RNF135: variants seen among roughly 807,000 people sequenced by gnomAD.
The protein encoded by RNF135 is E3 ubiquitin-protein ligase RNF135.
A neutral mutation model predicts 41.9 loss-of-function variants in RNF135; 46 were observed. That is an observed-to-expected ratio of 1.10 (90% CI 0.87 to 1.40). RNF135 has a LOEUF of 1.40. Ranked by LOEUF, RNF135 falls within the 40% of genes most tolerant of loss-of-function variation. The probability of loss-of-function intolerance (pLI) is 0.00; values close to 1 mark genes in which losing one functional copy is unlikely to be tolerated. For synonymous variants in RNF135, 238 were observed against 223.8 expected (o/e 1.06, Z -0.57); for missense variants, 539 against 549.8 (o/e 0.98, Z 0.20).
At chr17:30,974,396 C>T (rs1485725052) in intron 1 of RNF135, among the ~76,000 whole-genome samples, 5 of 151,982 alleles carry the variant, frequency 3.3e-5, no homozygotes, top group African/African-American at 7.3e-5. Context: ...CAGAACCCCT[C>T]GCAATTCCAT....
chr17:30,973,508 C>T (rs1441983808), intron 1 of RNF135, among the ~76,000 whole-genome samples: 17 of 151,780 alleles, frequency 1.1e-4, no homozygotes, highest in Admixed American at 9.8e-4. Flanking sequence ...CGCTCCTTTC[C>T]CAGGGATGGA....
intron 4 of RNF135, chr17:30,997,618 G>A (rs1908450248): frequency 2.0e-6 from 1 of 498,618 alleles, no homozygotes; most frequent in Non-Finnish European, 4.0e-6. Flanking sequence ...CATCTGTGCT[G>A]TGGCCACCAA....
chr17:30,987,133 G>C (rs922235643), intron 2 of RNF135, among the ~76,000 whole-genome samples: 1 of 152,154 alleles, frequency 6.6e-6, no homozygotes, highest in Admixed American at 6.5e-5. Context: ...CAGGGAGCAT[G>C]TGTTGAAGGC....
Position 30,997,296 on chromosome 17 carries a change from A to G in RNF135, c.734A>G (p.His245Arg). The G allele has an allele frequency of 1.2e-6, 2 of 1,613,870 alleles. No individual in the cohort carries two copies. The highest frequency in any genetic ancestry group is 1.7e-6 in the Non-Finnish European group (2 of 1,179,920). ...SSSCPLPDQS[H>R]PALRRASRFA... ...TCATGCCCATTGCCTGACCAGAGCC[A>G]CCCTGCACTCAGGAGAGCTTCTCGG... The change falls in exon 4 of 5, where the codon CAC becomes CGC. Residue 245 changes from histidine to arginine, a missense_variant. Physicochemically the swap from His to Arg is conservative, Grantham distance 29. Around this residue, in one of 2 missense-constraint regions of RNF135, gnomAD observed 262 missense variants for 336.9 expected, o/e 0.78. Coordinates refer to ENST00000328381, the MANE Select transcript of RNF135 (RefSeq NM_032322.4).
Position 30,971,049 on chromosome 17 carries a change from T to A in RNF135, c.-25T>A, listed in dbSNP as rs894733739. ...AGACTCGCCCGGCTCAACCCCGACG[T>A]CCGCGCCCCGGCCGCCTGTTGGCCA... is the stretch of plus-strand genomic sequence containing the variant. On this transcript the variant is annotated 5_prime_UTR_variant, in exon 1 of 5. Coordinates refer to ENST00000328381, the MANE Select transcript of RNF135 (RefSeq NM_032322.4). 2.2e-5 allele frequency: 33 copies of A among 1,529,264 alleles called. No homozygotes were observed. Among genetic ancestry groups the A allele is most frequent in the Non-Finnish European group, 2.7e-5 (31 of 1,145,640 alleles). 94.7% of individuals were successfully genotyped at this position (1,529,264 alleles called of 1,614,324 possible). A position where few individuals can be genotyped will look rare whatever the true frequency, so the allele number is the denominator to read the frequency against.
chr17:30,984,761 G>A lies in RNF135; in HGVS notation c.516+1G>A. 1 of 1,614,118 alleles carries A rather than the reference G, an allele frequency of 6.2e-7. No individual in the cohort carries two copies. The highest frequency in any genetic ancestry group is 8.5e-7 in the Non-Finnish European group (1 of 1,179,988). ...CAACGAACTGAGCATCCTGGGCAAG[G>A]TAGGCTCCACTGGGAGAGGAAAGGA... is the stretch of plus-strand genomic sequence containing the variant. On this transcript the variant is annotated splice_donor_variant, in intron 2 of 4. Transcript: ENST00000328381. LOFTEE classifies it high-confidence loss of function.
the RNF135 span, among the ~76,000 whole-genome samples, chr17:30,963,880 C>T: frequency 6.6e-6 from 1 of 152,026 alleles, no homozygotes; most frequent in Non-Finnish European, 1.5e-5. Flanking sequence ...CTTTGGAGGC[C>T]AAGAAGGGAG....
intron 1 of RNF135, chr17:30,975,750 T>C (rs1906389801): frequency 5.6e-6 from 7 of 1,239,132 alleles, no homozygotes; most frequent in Non-Finnish European, 7.1e-6. Flanking sequence ...CTGGTGTACA[T>C]GGGTCATCGG....
chr17:30,967,001 A>G (rs771226082), upstream of RNF135, among the ~76,000 whole-genome samples: 9 of 152,254 alleles, frequency 5.9e-5, no homozygotes, highest in East Asian at 1.7e-3. Context: ...ATTTATTGCA[A>G]AAGTTTGTCT....
the RNF135 span, among the ~76,000 whole-genome samples, chr17:30,960,717 TTTATTTTATTTTATTTATTTTATTTTA>T: frequency 7.2e-6 from 1 of 139,124 alleles, no homozygotes; most frequent in African/African-American, 3.3e-5. Flanking sequence ...TTTATTTTAT[TTTATTTTATTTTATTTATTTTATTTTA>T]TTTTTTTTTT....
chr17:30,973,503 C>G (rs999569427), intron 1 of RNF135, among the ~76,000 whole-genome samples: 30 of 151,432 alleles, frequency 2.0e-4, no homozygotes, highest in African/African-American at 6.6e-4. Flanking sequence ...GGTCTCGCTC[C>G]TTTCCCAGGG....
At chr17:30,962,176 A>G in the RNF135 span, among the ~76,000 whole-genome samples, 1 of 149,970 alleles carries the variant, frequency 6.7e-6, no homozygotes, top group East Asian at 2.0e-4. Flanking sequence ...CTGTGTCGCC[A>G]GGCTGGAGTG....
intron 3 of RNF135, among the ~76,000 whole-genome samples, chr17:30,991,601 A>G (rs1252776654): frequency 6.6e-6 from 1 of 151,678 alleles, no homozygotes; most frequent in South Asian, 2.1e-4. Flanking sequence ...ACTTTTAGAG[A>G]TGGGGTTTCA....
chr17:30,966,982 A>G (rs980124870), upstream of RNF135, among the ~76,000 whole-genome samples: 2 of 152,196 alleles, frequency 1.3e-5, no homozygotes, highest in African/African-American at 2.4e-5. Flanking sequence ...AAAACATAAA[A>G]GAAATAGAAT....
chr17:30,998,067 C>T (rs572558163), intron 4 of RNF135, among the ~76,000 whole-genome samples: 13 of 152,326 alleles, frequency 8.5e-5, no homozygotes, highest in Admixed American at 4.6e-4. Context: ...ACCTTGCCTA[C>T]GCCCAGCTAA....
chr17:30,966,396 ATTT>A (rs767476831), upstream of RNF135, among the ~76,000 whole-genome samples: 34 of 107,232 alleles, frequency 3.2e-4, no homozygotes, highest in South Asian at 6.9e-3. Flanking sequence ...TTATTTTATT[ATTT>A]TTTTATTTTA....
chr17:30,975,343 C>CT (rs1293226813), intron 1 of RNF135: 1 of 710,166 alleles, frequency 1.4e-6, no homozygotes, highest in Non-Finnish European at 2.6e-6. Context: ...AATATTGCTA[C>CT]TTATGCCTGC....
the RNF135 span, among the ~76,000 whole-genome samples, chr17:30,963,235 A>C: frequency 6.6e-6 from 1 of 151,442 alleles, no homozygotes; most frequent in African/African-American, 2.4e-5. Flanking sequence ...CAGCCTCCTG[A>C]GTAGCTGGAA....
intron 3 of RNF135, among the ~76,000 whole-genome samples, chr17:30,994,834 C>T (rs1029453873): frequency 2.6e-5 from 4 of 151,390 alleles, no homozygotes; most frequent in Admixed American, 1.3e-4. Context: ...ACGAGGGTTT[C>T]ACCATGTTGG....
Sources: gnomAD v4.1 joint callset for allele counts (sites outside exome capture counted in the v4.1 genomes callset) on GRCh38, gnomAD v4.1.1 for gene constraint, gnomAD v4.1.1 regional missense constraint, MANE v1.5 for transcripts, NCBI Gene and HGNC (gene_info 2026-07-23, HGNC 2026-07-21) for gene names.